Variants in RASGEF1A observed in about 807,000 individuals in gnomAD.
The protein encoded by RASGEF1A is ras-GEF domain-containing family member 1A.
RASGEF1A carries 18 observed loss-of-function variants against 56.4 expected under a neutral mutation model. That is an observed-to-expected ratio of 0.32 (90% confidence interval 0.22 to 0.47). The LOEUF (loss-of-function observed/expected upper bound fraction) is 0.47, where lower values mean the gene tolerates loss of function less well. RASGEF1A is among the 20% of genes least tolerant of loss of function. The pLI is 1.00. For missense variants in RASGEF1A, 422 were observed against 627.1 expected, an observed-to-expected ratio of 0.67 and a Z score of 3.49; for synonymous variants, 245 against 242.6, an observed-to-expected ratio of 1.01 and a Z score of -0.09.
intron 1 of RASGEF1A, among the ~76,000 whole-genome samples, chr10:43,210,149 C>T (rs759293559): frequency 6.6e-6 from 1 of 152,240 alleles, no homozygotes; most frequent in Non-Finnish European, 1.5e-5. Flanking sequence ...GTGTGAGAAC[C>T]TCAGCCTCCA....
intron 1 of RASGEF1A, among the ~76,000 whole-genome samples, chr10:43,250,760 G>A (rs760209512): frequency 7.9e-5 from 12 of 152,222 alleles, no homozygotes; most frequent in Non-Finnish European, 1.6e-4. Flanking sequence ...GCACATGAGG[G>A]GCATTGTGGC....
Position 43,199,208 on chromosome 10 carries a change from G to A in RASGEF1A, c.850-14C>T, listed in dbSNP as rs773820685. ...CTTCTTCACCACCTGGAAGGTGGCA[G>A]GTGACCTCAGCATGGCGCTGCCGGG... is the stretch of plus-strand genomic sequence containing the variant. On this transcript the variant is annotated splice_polypyrimidine_tract_variant and intron_variant, in intron 7 of 12. Transcript: ENST00000395810. 1 of 1,584,020 alleles carries A rather than the reference G, an allele frequency of 6.3e-7. No individual in the cohort carries two copies. Among genetic ancestry groups the A allele is most frequent in the Admixed American group, 1.7e-5 (1 of 57,174 alleles).
chr10:43,201,613 T>C (rs1207357393), intron 4 of RASGEF1A, among the ~76,000 whole-genome samples, 195 bp downstream of exon 4: 1 of 152,110 alleles, frequency 6.6e-6, no homozygotes, highest in Non-Finnish European at 1.5e-5. Flanking sequence ...GTATCATGGG[T>C]GACCCTGGCC....
chr10:43,228,224 C>A (rs1030407529), intron 1 of RASGEF1A, among the ~76,000 whole-genome samples: 2 of 152,206 alleles, frequency 1.3e-5, no homozygotes, highest in African/African-American at 4.8e-5. Context: ...TCTGCCCTGG[C>A]CTTTTCCTGG....
intron 1 of RASGEF1A, among the ~76,000 whole-genome samples, chr10:43,254,993 T>C (rs1315925614): frequency 6.6e-6 from 1 of 151,990 alleles, no homozygotes; most frequent in Non-Finnish European, 1.5e-5. Flanking sequence ...GGGACTTTCC[T>C]CCTGGGCAGA....
intron 1 of RASGEF1A, chr10:43,229,768 C>T (rs2133209491): frequency 2.3e-6 from 3 of 1,300,486 alleles, no homozygotes; most frequent in South Asian, 2.1e-5. Flanking sequence ...TGCCGCTGGA[C>T]GCCTCCGCTG....
At chr10:43,264,763 G>A (rs1392198187) in intron 1 of RASGEF1A, among the ~76,000 whole-genome samples, 7 of 152,024 alleles carry the variant, frequency 4.6e-5, no homozygotes, top group Admixed American at 2.6e-4. Context: ...GCAGCCCAGC[G>A]CCCCTCCCCT....
intron 1 of RASGEF1A, among the ~76,000 whole-genome samples, 152 bp from the exon 2 acceptor site, chr10:43,206,274 C>G (rs541336820): frequency 6.6e-5 from 10 of 152,318 alleles, no homozygotes; most frequent in Admixed American, 3.3e-4. Context: ...CATTCCAGGG[C>G]AGGGCAGGCG....
rs188751600 is a variant in RASGEF1A at position 43,243,896 on chromosome 10, G to C, written c.-7+22949C>G. ...TACCCAACAGCTCCGAAGAGACAGC[G>C]ACCATCGAGAATGGGCCATGATGAC... On this transcript the variant is annotated intron_variant, in intron 1 of 12. Transcript: ENST00000395810. Among the ~76,000 whole-genome samples the C allele has an allele frequency of 2.0e-5, 3 of 152,222 alleles. No homozygotes were observed. The East Asian group carries it at 5.8e-4, about 29-fold the overall frequency.
At chr10:43,227,974 G>A (rs565025635) in intron 1 of RASGEF1A, among the ~76,000 whole-genome samples, 151 of 152,042 alleles carry the variant, frequency 9.9e-4, no homozygotes, top group African/African-American at 3.1e-3. Flanking sequence ...ATCTGTCCCC[G>A]GACCACTGGG....
At chr10:43,261,138 C>T (rs1001506006) in intron 1 of RASGEF1A, among the ~76,000 whole-genome samples, 5 of 152,188 alleles carry the variant, frequency 3.3e-5, no homozygotes, top group African/African-American at 9.7e-5. Flanking sequence ...GTGGTTCTGG[C>T]TGCCGTGGCC....
intron 1 of RASGEF1A, among the ~76,000 whole-genome samples, chr10:43,235,404 T>C (rs1157632674): frequency 6.6e-6 from 1 of 152,156 alleles, no homozygotes; most frequent in Non-Finnish European, 1.5e-5. Flanking sequence ...TTCCTGAGGC[T>C]CTTCCTGGGG....
chr10:43,252,502 G>A (rs1457372722), intron 1 of RASGEF1A, among the ~76,000 whole-genome samples: 1 of 152,114 alleles, frequency 6.6e-6, no homozygotes, highest in African/African-American at 2.4e-5. Context: ...GCCTGGGAAG[G>A]AAGGGCAGGG....
intron 1 of RASGEF1A, among the ~76,000 whole-genome samples, chr10:43,243,892 C>T (rs1322436065): frequency 2.0e-5 from 3 of 152,184 alleles, no homozygotes; most frequent in Admixed American, 6.5e-5. Flanking sequence ...TCCGAAGAGA[C>T]AGCGACCATC....
intron 1 of RASGEF1A, among the ~76,000 whole-genome samples, chr10:43,241,441 T>C (rs529661661): frequency 6.6e-6 from 1 of 152,266 alleles, no homozygotes; most frequent in South Asian, 2.1e-4. Flanking sequence ...TTGAATACTG[T>C]TGCAATTGAG....
intron 1 of RASGEF1A, among the ~76,000 whole-genome samples, chr10:43,251,474 C>T (rs1467201660): frequency 6.6e-6 from 1 of 152,128 alleles, no homozygotes; most frequent in East Asian, 1.9e-4. Context: ...TCACGCATGC[C>T]CAGGAAAGAA....
At chr10:43,235,884 C>T (rs1434792357) in intron 1 of RASGEF1A, among the ~76,000 whole-genome samples, 3 of 152,044 alleles carry the variant, frequency 2.0e-5, no homozygotes, top group Non-Finnish European at 2.9e-5. Context: ...AGACAGGGCC[C>T]GGGAAGTCAC....
chr10:43,220,741 C>T (rs147931231), intron 1 of RASGEF1A, among the ~76,000 whole-genome samples: 257 of 150,954 alleles, frequency 1.7e-3, no homozygotes, highest in African/African-American at 5.8e-3. Flanking sequence ...GCTGAGATCA[C>T]GCCACTGCAC....
chr10:43,198,812 T>G, intron 9 of RASGEF1A, 121 bp downstream of exon 9: 2 of 886,250 alleles, frequency 2.3e-6, no homozygotes, highest in Non-Finnish European at 3.7e-6. Flanking sequence ...CAGCCAGCAC[T>G]GTAGGTGCTA....
Sources: allele counts gnomAD v4.1 joint callset (sites outside exome capture counted in the v4.1 genomes callset), GRCh38; gene constraint gnomAD v4.1.1; transcripts MANE v1.5; gene names NCBI Gene and HGNC (gene_info 2026-07-23, HGNC 2026-07-21).